The following STX8 variants were observed in gnomAD, a reference collection of about 807,000 sequenced individuals.
STX8 encodes syntaxin 8.
STX8 carries 23 observed loss-of-function variants against 37.5 expected under a neutral mutation model. The ratio of observed to expected loss-of-function variants is 0.61; its 90% CI spans 0.44 to 0.87. The LOEUF (loss-of-function observed/expected upper bound fraction) is 0.87. Ranked by LOEUF, STX8 falls within the 40% of genes least tolerant of loss-of-function variation. STX8 has a pLI of 0.00. For synonymous variants in STX8, 115 were observed against 99.1 expected (o/e 1.16, Z -0.95); for missense variants, 313 against 284.7 (o/e 1.10, Z -0.71).
chr17:9,436,642 AAG>A (rs1411346259), intron 6 of STX8, among the ~76,000 whole-genome samples: 1 of 151,178 alleles, frequency 6.6e-6, no homozygotes, highest in African/African-American at 2.5e-5. Context: ...GTGGATGATG[AAG>A]AGCTGGCTGA....
chr17:9,307,665 C>T (rs996545519), intron 7 of STX8, among the ~76,000 whole-genome samples: 2 of 152,004 alleles, frequency 1.3e-5, no homozygotes, highest in South Asian at 2.1e-4. Flanking sequence ...CTTAGGTGCC[C>T]GTCAGGGATC....
intron 6 of STX8, chr17:9,469,150 G>A (rs899015168): frequency 1.3e-5 from 2 of 152,180 alleles, no homozygotes; most frequent in Non-Finnish European, 2.9e-5. Flanking sequence ...GCTCAGCCAA[G>A]GTGGTCATTT....
intron 6 of STX8, among the ~76,000 whole-genome samples, chr17:9,430,020 T>A (rs375935728): frequency 3.6e-5 from 1 of 27,414 alleles, no homozygotes; most frequent in Non-Finnish European, 5.9e-5. Context: ...TATTATATAT[T>A]ATATATAATA....
intron 6 of STX8, among the ~76,000 whole-genome samples, chr17:9,384,053 T>A (rs1911906769): frequency 1.3e-5 from 2 of 152,104 alleles, no homozygotes. Flanking sequence ...ATCATAGCTG[T>A]ACTAGTTCAC....
chr17:9,527,900 C>G (rs1346602940), intron 4 of STX8, among the ~76,000 whole-genome samples: 1 of 152,106 alleles, frequency 6.6e-6, no homozygotes, highest in Admixed American at 6.6e-5. Context: ...GAAATAGAAG[C>G]CATGGTCTTT....
At chr17:9,531,509 C>T (rs570073475) in intron 4 of STX8, among the ~76,000 whole-genome samples, 53 of 152,240 alleles carry the variant, frequency 3.5e-4, no homozygotes, top group African/African-American at 1.2e-3. Context: ...TACCCACACT[C>T]CGAAAATATT....
At chr17:9,505,297 T>A in intron 4 of STX8, 135 bp from the exon 5 acceptor site, 1 of 965,842 alleles carries the variant, frequency 1.0e-6, no homozygotes, top group Non-Finnish European at 1.5e-6. Context: ...GCATCATTAG[T>A]TTATGCCAGG....
intron 4 of STX8, among the ~76,000 whole-genome samples, chr17:9,518,168 T>C (rs565018014): frequency 3.3e-5 from 5 of 152,222 alleles, no homozygotes; most frequent in Admixed American, 2.6e-4. Context: ...AAGAATAACC[T>C]ATGCTCACCA....
chr17:9,308,662 G>A (rs916947284), intron 7 of STX8, among the ~76,000 whole-genome samples: 1 of 147,920 alleles, frequency 6.8e-6, no homozygotes, highest in Non-Finnish European at 1.5e-5. Flanking sequence ...GGCAGAGGTT[G>A]CAGTGAGCCG....
intron 7 of STX8, among the ~76,000 whole-genome samples, chr17:9,376,266 C>A (rs1911580101): frequency 6.6e-6 from 1 of 151,924 alleles, no homozygotes; most frequent in African/African-American, 2.4e-5. Flanking sequence ...ATGCCCCAAT[C>A]AGCGCTCTGT....
chr17:9,441,546 A>G (rs1201993701), intron 6 of STX8, among the ~76,000 whole-genome samples: 1 of 151,590 alleles, frequency 6.6e-6, no homozygotes, highest in African/African-American at 2.4e-5. Context: ...CTTGTTAATC[A>G]CACTCCTGAT....
At chr17:9,295,751 C>T (rs115633248) in intron 7 of STX8, among the ~76,000 whole-genome samples, 2,912 of 150,994 alleles carry the variant, frequency 0.019, 96 homozygotes, top group African/African-American at 0.067. Context: ...CCCCTCCCCC[C>T]CAAAAAAAGG....
chr17:9,384,563 G>A (rs531352598), intron 6 of STX8, among the ~76,000 whole-genome samples: 10 of 151,934 alleles, frequency 6.6e-5, no homozygotes, highest in African/African-American at 9.7e-5. Context: ...GCATGAACCC[G>A]GGAGGCGGAG....
At chr17:9,546,580 C>T (rs543695949) in intron 3 of STX8, among the ~76,000 whole-genome samples, 1 of 97,252 alleles carries the variant, frequency 1.0e-5, no homozygotes, top group East Asian at 2.9e-4. Flanking sequence ...TTGATGCAAA[C>T]TACAAAAGTG....
chr17:9,518,225 A>G (rs541086601), intron 4 of STX8, among the ~76,000 whole-genome samples: 4 of 152,056 alleles, frequency 2.6e-5, no homozygotes, highest in African/African-American at 7.2e-5. Context: ...CTGCAAGCCA[A>G]CTTCTACCCC....
chr17:9,399,790 C>A (rs977353885), intron 6 of STX8, among the ~76,000 whole-genome samples: 1 of 149,648 alleles, frequency 6.7e-6, no homozygotes, highest in African/African-American at 2.5e-5. Context: ...CACTTGAACC[C>A]GGGAGGCAGA....
At chr17:9,330,424 C>G (rs1909922593) in intron 7 of STX8, among the ~76,000 whole-genome samples, 1 of 151,966 alleles carries the variant, frequency 6.6e-6, no homozygotes, top group Non-Finnish European at 1.5e-5. Flanking sequence ...CTAACCACTC[C>G]CACCCCCCAA....
Position 9,475,902 on chromosome 17 carries a change from C to T in STX8, c.541+15927G>A, listed in dbSNP as rs151033634. On this transcript the variant is annotated intron_variant, in intron 6 of 7. Coordinates refer to ENST00000306357, the MANE Select transcript of STX8 (RefSeq NM_004853.3). ...GGGTAAATAAACTTGCCTAAAGGGC[C>T]GCCCGTGGTGGCTCACGCCTGTCAT... Among the ~76,000 whole-genome samples the T allele has an allele frequency of 6.6e-4, 100 of 152,256 alleles. 1 individual carries two copies. The highest frequency in any genetic ancestry group is 2.3e-3 in the African/African-American group (96 of 41,552).
intron 7 of STX8, among the ~76,000 whole-genome samples, chr17:9,326,142 T>C (rs1023032000): frequency 1.3e-5 from 2 of 150,612 alleles, no homozygotes; most frequent in African/African-American, 5.0e-5. Context: ...TTTTTTTTTT[T>C]CTTTTTGAGA....
Sources: allele counts gnomAD v4.1 joint callset (sites outside exome capture counted in the v4.1 genomes callset), GRCh38; gene constraint gnomAD v4.1.1; transcripts MANE v1.5; gene names NCBI Gene and HGNC (gene_info 2026-07-23, HGNC 2026-07-21).